The following RBFOX1 variants were observed in gnomAD, a reference collection of about 807,000 sequenced individuals.
RBFOX1 encodes the protein RNA binding protein fox-1 homolog 1.
In RBFOX1, 8 loss-of-function variants were observed where a neutral mutation model predicts 57.7. The observed-to-expected ratio is 0.14, with a 90% CI of 0.08 to 0.25. The LOEUF is 0.25. Ranked by LOEUF, RBFOX1 falls within the 10% of genes least tolerant of loss-of-function variation. The pLI is 1.00. For synonymous variants in RBFOX1, 326 were observed against 222.4 expected, an observed-to-expected ratio of 1.47 and a Z score of -4.15; for missense variants, 611 against 548.5, an observed-to-expected ratio of 1.11 and a Z score of -1.14.
At chr16:6,855,660 A>G (rs12597022) in intron 3 of RBFOX1, among the ~76,000 whole-genome samples, 36,366 of 150,892 alleles carry the variant, frequency 0.24, 5,086 homozygotes, top group Admixed American at 0.37. Context: ...CTCAAAAAAA[A>G]AAAAAAAAGA....
intron 4 of RBFOX1, among the ~76,000 whole-genome samples, chr16:7,429,514 T>C (rs1012526686): frequency 1.3e-5 from 2 of 152,200 alleles, no homozygotes; most frequent in Admixed American, 6.5e-5. Flanking sequence ...TTACCTTGAA[T>C]TTTAGTTTAC....
At chr16:7,692,867 T>A (rs1183338712) in intron 14 of RBFOX1, among the ~76,000 whole-genome samples, 1 of 146,660 alleles carries the variant, frequency 6.8e-6, no homozygotes, top group Non-Finnish European at 1.5e-5. Flanking sequence ...AATTGTCTTC[T>A]GAAATGACAG....
chr16:5,446,251 C>T (rs922994718), intron 1 of RBFOX1, among the ~76,000 whole-genome samples: 6 of 152,106 alleles, frequency 3.9e-5, no homozygotes, highest in Admixed American at 6.5e-5. Flanking sequence ...GATCTGGTTG[C>T]TGGCTTCTGT....
intron 2 of RBFOX1, among the ~76,000 whole-genome samples, chr16:6,494,535 T>TATAC (rs1256038656): frequency 1.3e-5 from 2 of 152,326 alleles, no homozygotes; most frequent in Non-Finnish European, 2.9e-5. Flanking sequence ...CATTGTTACA[T>TATAC]CAGTAATTTT....
chr16:6,482,047 G>A (rs2095379659), intron 2 of RBFOX1, among the ~76,000 whole-genome samples: 1 of 152,132 alleles, frequency 6.6e-6, no homozygotes, highest in Non-Finnish European at 1.5e-5. Flanking sequence ...TGTAACGAAT[G>A]TGAAAATATT....
At chr16:6,815,498 T>C (rs1680762708) in intron 3 of RBFOX1, among the ~76,000 whole-genome samples, 1 of 152,150 alleles carries the variant, frequency 6.6e-6, no homozygotes, top group African/African-American at 2.4e-5. Context: ...GGAGATATGA[T>C]TATATTTCTA....
intron 4 of RBFOX1, among the ~76,000 whole-genome samples, chr16:7,404,181 T>G (rs1473353490): frequency 6.6e-6 from 1 of 151,760 alleles, no homozygotes; most frequent in Non-Finnish European, 1.5e-5. Context: ...GCCTCCTGAG[T>G]AGCTGTGATT....
chr16:6,339,133 A>T (rs549346135), intron 2 of RBFOX1, among the ~76,000 whole-genome samples: 2 of 152,352 alleles, frequency 1.3e-5, no homozygotes, highest in Non-Finnish European at 2.9e-5. Flanking sequence ...TGAATATTTT[A>T]TGGAATACTT....
intron 4 of RBFOX1, among the ~76,000 whole-genome samples, chr16:5,943,107 C>T (rs986572372): frequency 3.3e-5 from 5 of 152,164 alleles, no homozygotes; most frequent in African/African-American, 1.2e-4. Flanking sequence ...GGGGAGCTGT[C>T]CCTGGACCTC....
At chr16:6,706,072 C>G (rs190296721) in intron 3 of RBFOX1, among the ~76,000 whole-genome samples, 2 of 152,268 alleles carry the variant, frequency 1.3e-5, no homozygotes, top group East Asian at 3.9e-4. Flanking sequence ...TTGTGGACCA[C>G]CTTTCACGCC....
At chr16:7,266,900 C>T (rs1417803206) in intron 4 of RBFOX1, among the ~76,000 whole-genome samples, 1 of 151,954 alleles carries the variant, frequency 6.6e-6, no homozygotes, top group Non-Finnish European at 1.5e-5. Flanking sequence ...GGTGTGGAAG[C>T]ACTCCTGGAG....
intron 1 of RBFOX1, among the ~76,000 whole-genome samples, chr16:5,309,081 C>T (rs983096254): frequency 2.6e-5 from 4 of 152,130 alleles, no homozygotes; most frequent in Non-Finnish European, 5.9e-5. Context: ...ACACACTCCA[C>T]GAATTTGTTA....
chr16:7,618,579 T>C (rs1017370018), intron 10 of RBFOX1, among the ~76,000 whole-genome samples: 1 of 152,208 alleles, frequency 6.6e-6, no homozygotes, highest in African/African-American at 2.4e-5. Flanking sequence ...ATAAACTCTT[T>C]AGTTTGAAAG....
chr16:6,508,496 A>G (rs2096170297), intron 2 of RBFOX1, among the ~76,000 whole-genome samples: 1 of 152,208 alleles, frequency 6.6e-6, no homozygotes, highest in South Asian at 2.1e-4. Flanking sequence ...TAATTCAGCT[A>G]ATCCCTTAAA....
intron 4 of RBFOX1, among the ~76,000 whole-genome samples, chr16:7,234,676 T>G (rs1036776645): frequency 1.1e-5 from 1 of 89,868 alleles, no homozygotes; most frequent in Non-Finnish European, 1.9e-5. Context: ...GTATACATAT[T>G]TTATATATAT....
At chr16:7,337,325 G>T (rs1373508333) in intron 4 of RBFOX1, among the ~76,000 whole-genome samples, 2 of 152,146 alleles carry the variant, frequency 1.3e-5, no homozygotes, top group Non-Finnish European at 2.9e-5. Flanking sequence ...GGAAGAGGGT[G>T]GTTTCAAAGG....
At position 6,012,823 on chromosome 16, in the gene RBFOX1, A is replaced by T. The variant is rs148448446; in HGVS notation, c.351+145488A>T. 3.7e-3 allele frequency among the ~76,000 whole-genome samples: 564 copies of T among 152,282 alleles called. 5 individuals carry two copies. Among genetic ancestry groups the T allele is most frequent in the African/African-American group, 0.012 (496 of 41,558 alleles). On this transcript the variant is annotated intron_variant, in intron 4 of 19. Transcript: ENST00000641259. ...AGGGGGGTCCAGAGGTCAAAATCCC[A>T]TGAGAAAACATCTGGAAGTAAAGAA... is the stretch of plus-strand genomic sequence containing the variant.
intron 3 of RBFOX1, among the ~76,000 whole-genome samples, chr16:5,698,784 C>G (rs2050929464): frequency 6.6e-6 from 1 of 152,136 alleles, no homozygotes; most frequent in Non-Finnish European, 1.5e-5. Flanking sequence ...GAATGAGGTA[C>G]TGAAATAGGC....
At chr16:6,250,210 T>C (rs1353578157) in intron 1 of RBFOX1, among the ~76,000 whole-genome samples, 1 of 152,212 alleles carries the variant, frequency 6.6e-6, no homozygotes, top group Non-Finnish European at 1.5e-5. Context: ...ACTATCTTTT[T>C]TTCCCTTCTT....
Sources: gnomAD v4.1 joint callset for allele counts (sites outside exome capture counted in the v4.1 genomes callset) on GRCh38, gnomAD v4.1.1 for gene constraint, MANE v1.5 for transcripts, NCBI Gene and HGNC (gene_info 2026-07-23, HGNC 2026-07-21) for gene names.